The following LAMA2 variants were observed in gnomAD, a reference collection of about 807,000 sequenced individuals.
LAMA2 encodes the protein laminin subunit alpha-2.
LAMA2 carries 269 observed loss-of-function variants against 364.8 expected under a neutral mutation model. The ratio of observed to expected loss-of-function variants is 0.74; its 90% confidence interval spans 0.67 to 0.82. The LOEUF is 0.82. Ranked by LOEUF, LAMA2 falls within the 40% of genes least tolerant of loss-of-function variation. The probability of loss-of-function intolerance (pLI) is 0.00; values close to 1 mark genes in which losing one functional copy is unlikely to be tolerated. For synonymous variants in LAMA2, 1,379 were observed against 1,370.6 expected, an observed-to-expected ratio of 1.01 and a Z score of -0.14; for missense variants, 3,807 against 3,873.2, an observed-to-expected ratio of 0.98 and a Z score of 0.45.
chr6:129,299,967 T>C (rs1443056853), intron 21 of LAMA2, among the ~76,000 whole-genome samples: 1 of 152,222 alleles, frequency 6.6e-6, no homozygotes, highest in Non-Finnish European at 1.5e-5. Context: ...AACGCTGCAC[T>C]AGAAATATTC....
chr6:129,231,247 G>A (rs965594121), intron 12 of LAMA2, among the ~76,000 whole-genome samples: 3 of 152,014 alleles, frequency 2.0e-5, no homozygotes, highest in Non-Finnish European at 2.9e-5. Context: ...AACAAAGAAG[G>A]CATAGGTTAT....
chr6:129,390,598 A>G (rs1165812111), intron 35 of LAMA2, among the ~76,000 whole-genome samples: 1 of 152,094 alleles, frequency 6.6e-6, no homozygotes, highest in Non-Finnish European at 1.5e-5. Context: ...CTGACAAAAG[A>G]GTTTGAGAAA....
intron 9 of LAMA2, among the ~76,000 whole-genome samples, chr6:129,175,483 G>T (rs1383738159): frequency 6.6e-6 from 1 of 152,152 alleles, no homozygotes; most frequent in South Asian, 2.1e-4. Context: ...TTGCATTTGG[G>T]TATCAAGTTA....
intron 18 of LAMA2, among the ~76,000 whole-genome samples, chr6:129,282,781 T>C (rs915390612): frequency 5.3e-5 from 8 of 152,054 alleles, no homozygotes; most frequent in African/African-American, 1.2e-4. Flanking sequence ...ACCATCATCA[T>C]TTTTCCATCT....
intron 38 of LAMA2, 71 bp downstream of exon 38, chr6:129,401,411 T>C: frequency 2.2e-6 from 2 of 926,800 alleles, no homozygotes; most frequent in African/African-American, 1.6e-5. Context: ...AGCTCAGTAA[T>C]AGAAGCAAAT....
intron 1 of LAMA2, among the ~76,000 whole-genome samples, chr6:129,037,731 G>A (rs190165837): frequency 1.0e-4 from 15 of 150,508 alleles, no homozygotes; most frequent in Admixed American, 5.3e-4. Context: ...GTGCAGTGGC[G>A]CGATCTCTGC....
intron 29 of LAMA2, among the ~76,000 whole-genome samples, chr6:129,331,034 T>C (rs1172560541): frequency 1.3e-5 from 2 of 151,760 alleles, no homozygotes; most frequent in Non-Finnish European, 2.9e-5. Context: ...ATGCCCGGCT[T>C]CTTTTTTTGT....
chr6:129,262,747 G>T (rs895269200), intron 15 of LAMA2, among the ~76,000 whole-genome samples: 2 of 152,016 alleles, frequency 1.3e-5, no homozygotes, highest in African/African-American at 2.4e-5. Context: ...TCAATTAAGT[G>T]TAGTTTGTAA....
chr6:129,365,526 C>A (rs1364704784), intron 32 of LAMA2, among the ~76,000 whole-genome samples: 1 of 151,962 alleles, frequency 6.6e-6, no homozygotes, highest in Non-Finnish European at 1.5e-5. Flanking sequence ...CCACGCCTGG[C>A]TAATTTTTGT....
At chr6:128,984,573 G>A (rs1474493514) in intron 1 of LAMA2, among the ~76,000 whole-genome samples, 1 of 151,970 alleles carries the variant, frequency 6.6e-6, no homozygotes, top group African/African-American at 2.4e-5. Context: ...CAATTTTGCA[G>A]AATTGAATTA....
intron 35 of LAMA2, among the ~76,000 whole-genome samples, chr6:129,385,617 A>G (rs1033650452): frequency 1.3e-5 from 2 of 152,102 alleles, no homozygotes; most frequent in African/African-American, 4.8e-5. Flanking sequence ...ATCACCTTCT[A>G]TTCATCTAAG....
At chr6:128,897,999 T>A (rs553061571) in intron 1 of LAMA2, among the ~76,000 whole-genome samples, 2 of 152,342 alleles carry the variant, frequency 1.3e-5, no homozygotes, top group African/African-American at 4.8e-5. Context: ...AGTGAGTTAT[T>A]TAACTTCTTT....
At chr6:129,028,340 C>CT (rs11386466) in intron 1 of LAMA2, among the ~76,000 whole-genome samples, 86,992 of 151,436 alleles carry the variant, frequency 0.57, 28,846 homozygotes, top group East Asian at 0.96. Context: ...GTCTTCAGTA[C>CT]TTTTTTGGGT....
intron 31 of LAMA2, among the ~76,000 whole-genome samples, chr6:129,350,932 T>C (rs1776819465): frequency 6.6e-6 from 1 of 152,158 alleles, no homozygotes. Context: ...ATTCACAATT[T>C]CCATACCAAC....
chr6:128,915,655 T>C (rs561968089), intron 1 of LAMA2, among the ~76,000 whole-genome samples: 1 of 152,228 alleles, frequency 6.6e-6, no homozygotes, highest in Non-Finnish European at 1.5e-5. Flanking sequence ...CAGTGTCTTA[T>C]ATAACTACAC....
In LAMA2 at chr6:129,314,687, C is replaced by A. The variant is rs1383756739; in HGVS notation, c.3444C>A (p.Cys1148Ter). The change falls in exon 24 of 65, where the codon TGC (cysteine) becomes TGA (stop). Residue 1148 changes from cysteine to a stop codon, truncating the protein, a stop_gained. Transcript: ENST00000421865. LOFTEE classifies it high-confidence loss of function. ...VNVEGIHCDR[C>*]RPGKFGLDAK... is the part of the protein sequence containing the mutation. ...TGGAAGGCATCCACTGTGACAGATG[C>A]CGGCCTGGCAAATTCGGACTCGATG... 6.2e-7 allele frequency: 1 copy of A among 1,613,548 alleles called. No homozygotes were observed. The highest frequency in any genetic ancestry group is 8.5e-7 in the Non-Finnish European group (1 of 1,179,982).
chr6:128,994,797 A>G lies in LAMA2; in HGVS notation c.113-55121A>G, dbSNP rs148597204. On this transcript the variant is annotated intron_variant, in intron 1 of 64. Coordinates refer to ENST00000421865, the MANE Select transcript of LAMA2 (RefSeq NM_000426.4). Reference sequence around the variant, plus strand: ...GTGGGTGACAATTTTTATAGACATTATATGTCAGATGAAATAGCTAATTAA... The same window carrying G: ...GTGGGTGACAATTTTTATAGACATTGTATGTCAGATGAAATAGCTAATTAA... 4.3e-3 allele frequency among the ~76,000 whole-genome samples: 661 copies of G among 152,250 alleles called. 4 individuals carry two copies. The highest frequency in any genetic ancestry group is 0.015 in the African/African-American group (631 of 41,556).
chr6:129,075,828 C>T (rs1420766941), intron 3 of LAMA2, among the ~76,000 whole-genome samples: 2 of 152,090 alleles, frequency 1.3e-5, no homozygotes, highest in Non-Finnish European at 2.9e-5. Context: ...GTGGCTCACT[C>T]CTGTAAGCCC....
chr6:129,169,125 C>T (rs1326241091), intron 9 of LAMA2, among the ~76,000 whole-genome samples: 11 of 151,630 alleles, frequency 7.3e-5, no homozygotes, highest in South Asian at 4.2e-4. Context: ...AATTTGACTT[C>T]CTCTTTTCCT....
Sources: gnomAD v4.1 joint callset for allele counts (sites outside exome capture counted in the v4.1 genomes callset) on GRCh38, gnomAD v4.1.1 for gene constraint, MANE v1.5 for transcripts, NCBI Gene and HGNC (gene_info 2026-07-23, HGNC 2026-07-21) for gene names.